KAZN: variants seen among roughly 807,000 people sequenced by gnomAD.
KAZN encodes kazrin, periplakin interacting protein.
Under a neutral mutation model 87.4 loss-of-function variants are expected in KAZN, and 40 were observed. The observed-to-expected ratio is 0.46, with a 90% CI of 0.36 to 0.60. The LOEUF (loss-of-function observed/expected upper bound fraction) is 0.60, where lower values mean the gene tolerates loss of function less well. Ranked by LOEUF, KAZN falls within the 20% of genes least tolerant of loss-of-function variation. KAZN has a pLI of 0.00. For synonymous variants in KAZN, 466 were observed against 458.3 expected (o/e 1.02, Z -0.22); for missense variants, 898 against 1,073.9 (o/e 0.84, Z 2.29).
chr1:14,740,321 G>C (rs536249235), intron 1 of KAZN, among the ~76,000 whole-genome samples: 1 of 152,330 alleles, frequency 6.6e-6, no homozygotes, highest in East Asian at 1.9e-4. Context: ...AACCGATGCA[G>C]AGAAAACTTG....
rs139245995 is a variant in KAZN, at chr1:14,431,950, A to G, written c.250-167033A>G. 5.3e-5 allele frequency among the ~76,000 whole-genome samples: 8 copies of G among 152,244 alleles called. No individual in the cohort carries two copies. In the East Asian group the frequency reaches 1.5e-3, roughly 29 times the overall value. ...ATAATCATGTGAACCAATTCTCCCT[A>G]ATAAGCTTTCTTTCATATGTACCTG... is the stretch of plus-strand genomic sequence containing the variant. On this transcript the variant is annotated intron_variant, in intron 2 of 16. Coordinates refer to the KAZN transcript ENST00000636203.
intron 1 of KAZN, among the ~76,000 whole-genome samples, chr1:14,755,479 AT>A (rs962013868): frequency 2.0e-5 from 3 of 152,100 alleles, no homozygotes; most frequent in African/African-American, 7.2e-5. Context: ...GTGGTTGTAG[AT>A]TTTTTTTAAA....
intron 1 of KAZN, among the ~76,000 whole-genome samples, chr1:14,113,918 G>A (rs1192221590): frequency 1.3e-5 from 2 of 152,228 alleles, no homozygotes; most frequent in Non-Finnish European, 2.9e-5. Context: ...GTGGCCGTCT[G>A]AAATTAAGGG....
chr1:14,304,398 A>G (rs1037343245), intron 2 of KAZN, among the ~76,000 whole-genome samples: 3 of 152,208 alleles, frequency 2.0e-5, no homozygotes, highest in African/African-American at 7.2e-5. Flanking sequence ...AGCTTAGACC[A>G]AAATATTCAC....
intron 1 of KAZN, among the ~76,000 whole-genome samples, chr1:14,784,189 C>G (rs750775738): frequency 2.0e-5 from 3 of 152,164 alleles, no homozygotes; most frequent in Non-Finnish European, 4.4e-5. Context: ...CAGCTCTGCT[C>G]CCACATCCTT....
In KAZN at chr1:14,059,725, A is replaced by G. The variant is rs80025767; in HGVS notation, c.92-120710A>G. ...TCTAAGATACTGTGGTCCTTCTACC[A>G]TGTGCTATCCACGATGCAAGGAACT... On this transcript the variant is annotated intron_variant, in intron 1 of 16. Transcript: ENST00000636203. Among the ~76,000 whole-genome samples, 992 of 152,320 alleles carry G rather than the reference A, an allele frequency of 6.5e-3. 48 individuals are homozygous for G. In the East Asian group the frequency reaches 0.1, roughly 16 times the overall value.
chr1:15,028,281 TCAC>T (rs1671366955), intron 2 of KAZN, among the ~76,000 whole-genome samples: 1 of 152,190 alleles, frequency 6.6e-6, no homozygotes, highest in Non-Finnish European at 1.5e-5. Context: ...GGGCGTGACA[TCAC>T]CAGTCACCAT....
intron 12 of KAZN, 75 bp downstream of exon 12, chr1:15,103,535 A>G (rs45547637): frequency 2.7e-5 from 25 of 925,260 alleles, no homozygotes; most frequent in African/African-American, 3.3e-5. Context: ...GCAAATCAAT[A>G]TGCAAATCAC....
intron 2 of KAZN, among the ~76,000 whole-genome samples, chr1:14,314,762 C>A (rs13373909): frequency 0.063 from 9,568 of 152,206 alleles, 445 homozygotes; most frequent in Non-Finnish European, 0.099. Context: ...CAATCACCAT[C>A]ATTATTTAAT....
chr1:14,103,526 T>C (rs962024836), intron 1 of KAZN, among the ~76,000 whole-genome samples: 1 of 152,216 alleles, frequency 6.6e-6, no homozygotes, highest in Non-Finnish European at 1.5e-5. Context: ...TGGCAGCTCC[T>C]TTCCATGGGC....
intron 1 of KAZN, among the ~76,000 whole-genome samples, chr1:14,809,911 C>A (rs1646353103): frequency 6.6e-6 from 1 of 152,132 alleles, no homozygotes; most frequent in South Asian, 2.1e-4. Flanking sequence ...TCATGAAAAA[C>A]ATAATACAAG....
At position 14,996,985 on chromosome 1, in the gene KAZN, G is replaced by A. The variant is rs1456929083; in HGVS notation, c.418+36110G>A. On this transcript the variant is annotated intron_variant, in intron 2 of 14. Coordinates refer to ENST00000376030, the MANE Select transcript of KAZN (RefSeq NM_201628.3). The surrounding 1 kb of genome is among the most constrained non-coding windows in gnomAD (Gnocchi z 5.9). ...TCCCCCAGGCACCCTGTGCTTTGCT[G>A]ATCCCTGGGCCTGGAGTGCTTTTTT... Among the ~76,000 whole-genome samples the A allele has an allele frequency of 6.6e-6, 1 of 152,134 alleles. No individual in the cohort carries two copies.
chr1:14,097,547 AT>A (rs1644155584), intron 1 of KAZN, among the ~76,000 whole-genome samples: 1 of 152,138 alleles, frequency 6.6e-6, no homozygotes, highest in Non-Finnish European at 1.5e-5. Flanking sequence ...CCTGAAAGGC[AT>A]TGTATTCGTA....
At chr1:13,994,871 TAAACAAAC>T (rs3031975) in intron 1 of KAZN, among the ~76,000 whole-genome samples, 10 of 150,522 alleles carry the variant, frequency 6.6e-5, no homozygotes, top group Non-Finnish European at 3.0e-5. Flanking sequence ...TGCAGCATGC[TAAACAAAC>T]AAACAAACAA....
At chr1:14,039,827 T>C (rs1641722543) in intron 1 of KAZN, among the ~76,000 whole-genome samples, 1 of 152,220 alleles carries the variant, frequency 6.6e-6, no homozygotes, top group South Asian at 2.1e-4. Flanking sequence ...CAGATAACTG[T>C]GGATTATCTA....
intron 1 of KAZN, among the ~76,000 whole-genome samples, chr1:14,684,040 G>C (rs1197377326): frequency 1.3e-5 from 2 of 152,124 alleles, no homozygotes; most frequent in African/African-American, 2.4e-5. Context: ...AATAGAATTA[G>C]GGAGGCTGTC....
intron 2 of KAZN, among the ~76,000 whole-genome samples, chr1:14,994,018 A>G (rs1667626634): frequency 6.6e-6 from 1 of 152,166 alleles, no homozygotes; most frequent in Non-Finnish European, 1.5e-5. Flanking sequence ...GCTCTTAGGC[A>G]TGGTCGCCTT....
intron 1 of KAZN, among the ~76,000 whole-genome samples, chr1:14,705,246 A>G (rs1425676423): frequency 6.6e-6 from 1 of 152,204 alleles, no homozygotes; most frequent in African/African-American, 2.4e-5. Context: ...ATTGGATTAC[A>G]GCCCCACCCT....
intron 2 of KAZN, among the ~76,000 whole-genome samples, chr1:14,997,039 C>T (rs1158649060): frequency 6.6e-6 from 1 of 152,068 alleles, no homozygotes; most frequent in Non-Finnish European, 1.5e-5. Flanking sequence ...GCCTGGAGTT[C>T]CTGACTTCTC....
Sources: allele counts gnomAD v4.1 joint callset (sites outside exome capture counted in the v4.1 genomes callset), GRCh38; gene constraint gnomAD v4.1.1; non-coding constraint Gnocchi (gnomAD v3.1); transcripts MANE v1.5; gene names NCBI Gene and HGNC (gene_info 2026-07-23, HGNC 2026-07-21).